The following DPP10 variants were observed in gnomAD, a reference collection of about 807,000 sequenced individuals.
The protein encoded by DPP10 is inactive dipeptidyl peptidase 10.
In DPP10, 33 loss-of-function variants were observed where a neutral mutation model predicts 120.9. The observed-to-expected ratio is 0.27, with a 90% confidence interval of 0.21 to 0.37. The LOEUF (loss-of-function observed/expected upper bound fraction) is 0.37, where lower values mean the gene tolerates loss of function less well. Among genes scored for constraint, DPP10 ranks in the 10% least tolerant of loss-of-function variants. The pLI is 1.00. For missense variants in DPP10, 816 were observed against 942.8 expected (o/e 0.87, Z 1.76); for synonymous variants, 337 against 326.1 (o/e 1.03, Z -0.36).
intron 3 of DPP10, among the ~76,000 whole-genome samples, chr2:115,356,100 A>G (rs1487682941): frequency 1.3e-5 from 2 of 152,062 alleles, no homozygotes; most frequent in African/African-American, 2.4e-5. Context: ...AAGAAAGTCA[A>G]TGGTAGTTTG....
intron 1 of DPP10, among the ~76,000 whole-genome samples, chr2:115,007,493 A>G (rs1701941932): frequency 6.6e-6 from 1 of 151,866 alleles, no homozygotes; most frequent in African/African-American, 2.4e-5. Context: ...AAAAACTGGA[A>G]GCATTCCCTT....
intron 3 of DPP10, among the ~76,000 whole-genome samples, chr2:115,474,513 C>CT (rs1434337549): frequency 6.6e-6 from 1 of 152,018 alleles, no homozygotes; most frequent in Admixed American, 6.6e-5. Flanking sequence ...TTGCCCATGC[C>CT]TTATGGATCT....
At chr2:115,471,778 TTTGTTG>T (rs57533300) in intron 3 of DPP10, among the ~76,000 whole-genome samples, 6 of 149,618 alleles carry the variant, frequency 4.0e-5, no homozygotes, top group South Asian at 2.1e-4. Context: ...TCTGTTTTTG[TTTGTTG>T]TTGTTGTTGT....
At chr2:115,099,812 T>C (rs1168794814) in intron 1 of DPP10, among the ~76,000 whole-genome samples, 1 of 152,202 alleles carries the variant, frequency 6.6e-6, no homozygotes, top group South Asian at 2.1e-4. Flanking sequence ...TTTTGCTCTG[T>C]AAGGCTGGCA....
At chr2:115,750,789 G>A (rs1678603008) in intron 10 of DPP10, among the ~76,000 whole-genome samples, 1 of 151,896 alleles carries the variant, frequency 6.6e-6, no homozygotes, top group Non-Finnish European at 1.5e-5. Flanking sequence ...TCAAAATTTG[G>A]CATCTTAGCT....
At chr2:115,588,328 T>A (rs1347160227) in intron 5 of DPP10, among the ~76,000 whole-genome samples, 1 of 152,220 alleles carries the variant, frequency 6.6e-6, no homozygotes, top group Non-Finnish European at 1.5e-5. Context: ...CATTTATTCA[T>A]ATAGCATATC....
Position 114,999,735 on chromosome 2 carries a change from ACTCCAAGTTTG to A in DPP10, c.61-309499_61-309489del, listed in dbSNP as rs374472576. The stretch of plus-strand genomic sequence containing the variant: ...CCACAAAGCTTCCCTTGACACTTAA[ACTCCAAGTTTG>A]CTCCTAGAACCTCCTCTGTATAGTT... On this transcript the variant is annotated intron_variant, in intron 1 of 25. Transcript: ENST00000410059. Among the ~76,000 whole-genome samples, 441 of 151,762 alleles carry A rather than the reference ACTCCAAGTTTG, an allele frequency of 2.9e-3. 3 individuals carry two copies. The highest frequency in any genetic ancestry group is 0.01 in the Middle Eastern group (3 of 292).
intron 1 of DPP10, among the ~76,000 whole-genome samples, chr2:115,258,451 A>G (rs2059102820): frequency 6.6e-6 from 1 of 151,652 alleles, no homozygotes; most frequent in Admixed American, 6.6e-5. Flanking sequence ...AAATTGTTCT[A>G]GCTTACACAC....
At chr2:114,834,066 A>C (rs1423314352) in intron 1 of DPP10, 1 of 151,818 alleles carries the variant, frequency 6.6e-6, no homozygotes, top group African/African-American at 2.4e-5. Context: ...ATATCTACAC[A>C]CCTATGTATA....
At chr2:115,480,716 A>G (rs1424063237) in intron 3 of DPP10, among the ~76,000 whole-genome samples, 2 of 152,232 alleles carry the variant, frequency 1.3e-5, no homozygotes, top group East Asian at 3.9e-4. Flanking sequence ...TATTAGGAAG[A>G]AGAACAGGAA....
At chr2:115,299,308 G>A (rs967242225) in intron 1 of DPP10, among the ~76,000 whole-genome samples, 12 of 152,014 alleles carry the variant, frequency 7.9e-5, no homozygotes, top group African/African-American at 2.4e-4. Flanking sequence ...CAAGTTCTGG[G>A]CAACTCCACA....
intron 1 of DPP10, among the ~76,000 whole-genome samples, chr2:114,559,909 A>C (rs931672440): frequency 4.0e-5 from 6 of 151,678 alleles, no homozygotes; most frequent in Non-Finnish European, 8.8e-5. Flanking sequence ...AAAAAAAAAA[A>C]AAACAAAGGA....
intron 21 of DPP10, among the ~76,000 whole-genome samples, chr2:115,828,131 T>C (rs1177825004): frequency 6.6e-6 from 1 of 152,088 alleles, no homozygotes; most frequent in African/African-American, 2.4e-5. Flanking sequence ...ATCTTTTAAA[T>C]ATTTTATTAT....
chr2:114,657,398 T>A (rs752398743), intron 1 of DPP10, among the ~76,000 whole-genome samples: 4 of 152,166 alleles, frequency 2.6e-5, no homozygotes, highest in Non-Finnish European at 5.9e-5. Flanking sequence ...TAATTTAGCT[T>A]GAGAATTTCA....
chr2:115,287,954 A>G (rs1373189648), intron 1 of DPP10, among the ~76,000 whole-genome samples: 2 of 151,998 alleles, frequency 1.3e-5, no homozygotes, highest in East Asian at 1.9e-4. Context: ...TATCTTTGCA[A>G]TTGTGAATTA....
intron 3 of DPP10, among the ~76,000 whole-genome samples, chr2:115,480,130 C>G (rs1279448252): frequency 3.3e-5 from 5 of 152,034 alleles, no homozygotes; most frequent in Non-Finnish European, 7.4e-5. Context: ...ATTTTCACTT[C>G]CAAATTGTAT....
rs1330692540 is a variant in DPP10, at chr2:115,673,113, A to G, written c.442-16574A>G. ...TATAACAATTAAAACCCTCGCCTAC[A>G]TAGCTTAATATGAGTCTCTGGAAAA... On this transcript the variant is annotated intron_variant, in intron 5 of 25. Transcript: ENST00000410059. 2.0e-5 allele frequency among the ~76,000 whole-genome samples: 3 copies of G among 152,178 alleles called. No homozygotes were observed. In the East Asian group the frequency reaches 5.8e-4, roughly 29 times the overall value.
chr2:114,717,468 G>A (rs1228384634), intron 1 of DPP10, among the ~76,000 whole-genome samples: 1 of 152,092 alleles, frequency 6.6e-6, no homozygotes, highest in Non-Finnish European at 1.5e-5. Context: ...AGGAAATGAA[G>A]AGGAAACCCT....
At chr2:115,133,121 G>T in intron 1 of DPP10, among the ~76,000 whole-genome samples, 1 of 48,904 alleles carries the variant, frequency 2.0e-5, no homozygotes, top group African/African-American at 1.1e-4. Context: ...ATGTATGTGT[G>T]TGTGTGTGTG....
Sources: allele counts gnomAD v4.1 joint callset (sites outside exome capture counted in the v4.1 genomes callset), GRCh38; gene constraint gnomAD v4.1.1; transcripts MANE v1.5; gene names NCBI Gene and HGNC (gene_info 2026-07-23, HGNC 2026-07-21).